The following ERBB4 variants were observed in gnomAD, a reference collection of about 807,000 sequenced individuals.
The protein encoded by ERBB4 is erb-b2 receptor tyrosine kinase 4.
ERBB4 carries 42 observed loss-of-function variants against 158.0 expected under a neutral mutation model. The observed-to-expected ratio is 0.27, with a 90% CI of 0.21 to 0.34. The LOEUF (loss-of-function observed/expected upper bound fraction) is 0.34, where lower values mean the gene tolerates loss of function less well. ERBB4 is among the 10% of genes least tolerant of loss of function. The pLI is 1.00. For synonymous variants in ERBB4, 583 were observed against 558.7 expected, an observed-to-expected ratio of 1.04 and a Z score of -0.61; for missense variants, 1,333 against 1,624.1, an observed-to-expected ratio of 0.82 and a Z score of 3.08.
At chr2:211,628,261 G>T (rs1238421527) in intron 17 of ERBB4, among the ~76,000 whole-genome samples, 1 of 151,814 alleles carries the variant, frequency 6.6e-6, no homozygotes, top group African/African-American at 2.4e-5. Context: ...TTGGTGTGCT[G>T]CACCCATTAA....
chr2:212,182,422 T>C (rs181776945), intron 1 of ERBB4, among the ~76,000 whole-genome samples: 2 of 151,980 alleles, frequency 1.3e-5, no homozygotes, highest in East Asian at 3.9e-4. Flanking sequence ...AATAATGTTA[T>C]AATAAGCATG....
intron 6 of ERBB4, among the ~76,000 whole-genome samples, chr2:211,724,755 T>C (rs936581782): frequency 6.6e-6 from 1 of 152,194 alleles, no homozygotes; most frequent in Non-Finnish European, 1.5e-5. Flanking sequence ...AACTCAGTGA[T>C]GCAACCACAT....
chr2:211,777,059 A>T (rs1157411505), intron 4 of ERBB4: 1 of 152,188 alleles, frequency 6.6e-6, no homozygotes, highest in East Asian at 1.9e-4. Context: ...GTAAAGGCAG[A>T]GATGGAGGGA....
intron 1 of ERBB4, among the ~76,000 whole-genome samples, chr2:212,225,546 T>C (rs2105966751): frequency 6.6e-6 from 1 of 152,096 alleles, no homozygotes; most frequent in South Asian, 2.1e-4. Context: ...TATTTTGTCA[T>C]TCGGCATGAG....
At chr2:211,803,400 C>T (rs1190009659) in intron 3 of ERBB4, among the ~76,000 whole-genome samples, 1 of 152,168 alleles carries the variant, frequency 6.6e-6, no homozygotes, top group African/African-American at 2.4e-5. Context: ...CTCTACAACA[C>T]TTCCTTCTTT....
At chr2:211,521,908 G>C (rs564329945) in intron 20 of ERBB4, among the ~76,000 whole-genome samples, 1 of 152,082 alleles carries the variant, frequency 6.6e-6, no homozygotes, top group East Asian at 1.9e-4. Flanking sequence ...AAGATCTACT[G>C]CTCAGAAAAA....
intron 2 of ERBB4, among the ~76,000 whole-genome samples, chr2:212,036,773 T>C (rs1354779601): frequency 6.6e-6 from 1 of 152,108 alleles, no homozygotes; most frequent in Non-Finnish European, 1.5e-5. Context: ...GCCAAATACA[T>C]TTTATTCTTA....
At chr2:211,417,306 CTACAAAAAAAT>C (rs964143088) in intron 25 of ERBB4, among the ~76,000 whole-genome samples, 3 of 145,458 alleles carry the variant, frequency 2.1e-5, no homozygotes, top group African/African-American at 7.7e-5. Context: ...AACCCTGTCT[CTACAAAAAAAT>C]ATAAAAAAAA....
chr2:211,926,593 G>C (rs915264625), intron 3 of ERBB4, among the ~76,000 whole-genome samples: 2 of 152,100 alleles, frequency 1.3e-5, no homozygotes, highest in Non-Finnish European at 2.9e-5. Flanking sequence ...AAGCAGGGAA[G>C]TGTGATTACA....
At position 211,553,153 on chromosome 2, in the gene ERBB4, G is replaced by A. The variant is rs56030984; in HGVS notation, c.2487+8750C>T. On this transcript the variant is annotated intron_variant, in intron 20 of 27. Coordinates refer to ENST00000342788, the MANE Select transcript of ERBB4 (RefSeq NM_005235.3). ...CCGGCTAATTTTTGTATTTTTAGTA[G>A]AGACGGGGTTTCACCGTGTTGGCCA... 4.5e-3 allele frequency among the ~76,000 whole-genome samples: 678 copies of A among 152,076 alleles called. 5 individuals carry two copies. Among genetic ancestry groups the A allele is most frequent in the African/African-American group, 0.015 (619 of 41,468 alleles).
intron 5 of ERBB4, among the ~76,000 whole-genome samples, chr2:211,726,771 C>T (rs539413598): frequency 1.1e-4 from 17 of 152,214 alleles, no homozygotes; most frequent in South Asian, 4.1e-4. Flanking sequence ...TGTAAGCCAA[C>T]GCCTATAAAT....
At chr2:212,504,660 T>TAGAATGTATAGAATGGAACCAATG (rs1185037354) in intron 1 of ERBB4, among the ~76,000 whole-genome samples, 2 of 152,150 alleles carry the variant, frequency 1.3e-5, no homozygotes, top group African/African-American at 4.8e-5. Flanking sequence ...GTCTGAACCA[T>TAGAATGTATAGAATGGAACCAATG]AACGTATAGA....
chr2:212,271,087 A>G (rs1382872526), intron 1 of ERBB4, among the ~76,000 whole-genome samples: 1 of 151,826 alleles, frequency 6.6e-6, no homozygotes, highest in Non-Finnish European at 1.5e-5. Context: ...TATTTTATCG[A>G]GCAGTTATCA....
At chr2:212,413,755 GTATT>G (rs1180144525) in intron 1 of ERBB4, among the ~76,000 whole-genome samples, 9 of 151,964 alleles carry the variant, frequency 5.9e-5, no homozygotes, top group Non-Finnish European at 1.3e-4. Context: ...ATTTTAAAAA[GTATT>G]TATTTTTATA....
At chr2:212,186,139 T>C (rs1037043548) in intron 1 of ERBB4, among the ~76,000 whole-genome samples, 1 of 152,176 alleles carries the variant, frequency 6.6e-6, no homozygotes, top group African/African-American at 2.4e-5. Context: ...TTTAATTACG[T>C]TTCGACTAAA....
rs5838261 is a variant in ERBB4, at chr2:211,392,558, C to CCACACACACACACA, written c.3136-4580_3136-4567dup. ...ACTTTTTTGAAAAAACTCTCTTACT[C>CCACACACACACACA]CACACACACACACACACACACACAC... On this transcript the variant is annotated intron_variant, in intron 25 of 27. Transcript: ENST00000342788. Among the ~76,000 whole-genome samples the CCACACACACACACA allele has an allele frequency of 2.8e-3, 389 of 140,984 alleles. 2 individuals are homozygous for CCACACACACACACA. The highest frequency in any genetic ancestry group is 9.5e-3 in the African/African-American group (360 of 38,020). The allele number at this position is 140,984 out of a possible 152,430, so 92.5% of individuals were successfully genotyped here. A position where few individuals can be genotyped will look rare whatever the true frequency, so the allele number is the denominator to read the frequency against.
chr2:211,510,304 A>C (rs2065855492), intron 20 of ERBB4, among the ~76,000 whole-genome samples: 1 of 152,030 alleles, frequency 6.6e-6, no homozygotes, highest in South Asian at 2.1e-4. Flanking sequence ...AACACGGGGC[A>C]CTCTAAAAGA....
rs569157091 is a variant in ERBB4, at chr2:212,284,484, T to C, written c.83-159581A>G. Among the ~76,000 whole-genome samples, 8 of 152,244 alleles carry C rather than the reference T, an allele frequency of 5.3e-5. No homozygotes were observed. In the East Asian group the frequency reaches 1.4e-3, roughly 26 times the overall value. ...CATTAAGCAGTCACCTATTAGACTA[T>C]GGCATATAAACTCCAAAAGCCTCTT... On this transcript the variant is annotated intron_variant, in intron 1 of 27. Coordinates refer to ENST00000342788, the MANE Select transcript of ERBB4 (RefSeq NM_005235.3).
At chr2:211,551,542 A>G (rs1287062168) in intron 20 of ERBB4, among the ~76,000 whole-genome samples, 1 of 152,198 alleles carries the variant, frequency 6.6e-6, no homozygotes, top group Non-Finnish European at 1.5e-5. Context: ...GGTATTCACA[A>G]ACTTCCAAAC....
Sources: gnomAD v4.1 joint callset for allele counts (sites outside exome capture counted in the v4.1 genomes callset) on GRCh38, gnomAD v4.1.1 for gene constraint, MANE v1.5 for transcripts, NCBI Gene and HGNC (gene_info 2026-07-23, HGNC 2026-07-21) for gene names.